Variants in KLF13 observed in about 807,000 individuals in gnomAD.
The protein encoded by KLF13 is KLF transcription factor 13.
Under a neutral mutation model 16.7 loss-of-function variants are expected in KLF13, and 8 were observed. The observed-to-expected ratio is 0.48, with a 90% CI of 0.28 to 0.87. The LOEUF (loss-of-function observed/expected upper bound fraction) is 0.87. KLF13 is among the 40% of genes least tolerant of loss of function. The pLI is 0.10. For missense variants in KLF13, 447 were observed against 452.2 expected, an observed-to-expected ratio of 0.99 and a Z score of 0.10; for synonymous variants, 245 against 208.4, an observed-to-expected ratio of 1.18 and a Z score of -1.51.
intron 1 of KLF13, among the ~76,000 whole-genome samples, chr15:31,421,800 T>C (rs2040328338): frequency 6.6e-6 from 1 of 152,158 alleles, no homozygotes; most frequent in Admixed American, 6.6e-5. Flanking sequence ...TCAGTAATTT[T>C]TATATGTGTA....
At chr15:31,353,277 C>A (rs1321637136) in intron 1 of KLF13, among the ~76,000 whole-genome samples, 1 of 152,210 alleles carries the variant, frequency 6.6e-6, no homozygotes, top group South Asian at 2.1e-4. Flanking sequence ...GCTGGGCCTC[C>A]CCTGGAGAGG....
chr15:31,327,340 C>A lies in KLF13; in HGVS notation c.128C>A (p.Thr43Asn), dbSNP rs927349524. 7.8e-7 allele frequency: 1 copy of A among 1,277,832 alleles called. No individual in the cohort carries two copies. Among genetic ancestry groups the A allele is most frequent in the African/African-American group, 1.6e-5 (1 of 63,684 alleles). 79.2% of individuals were successfully genotyped at this position (1,277,832 alleles called of 1,614,324 possible). The change falls in exon 1 of 2, where the codon ACC (threonine) becomes AAC (asparagine). Residue 43 changes from threonine to asparagine, a missense_variant. Physicochemically the swap from Thr to Asn is moderately conservative, Grantham distance 65. Transcript: ENST00000307145. ...CCCGAGGGCGCGGCCGTGGCCGCCA[C>A]CCCCACGCTGCCCCGCGTCGAGGAG... is the stretch of plus-strand genomic sequence containing the variant. ...SRPEGAAVAA[T>N]PTLPRVEERR... is the part of the protein sequence containing the mutation.
In KLF13 at chr15:31,327,205, C is replaced by A; in HGVS notation, c.-8C>A. The A allele has an allele frequency of 7.5e-7, 1 of 1,335,600 alleles. No individual in the cohort carries two copies. The allele number at this position is 1,335,600 out of a possible 1,614,324, so 82.7% of individuals were successfully genotyped here. A position where few individuals can be genotyped will look rare whatever the true frequency, so the allele number is the denominator to read the frequency against. On this transcript the variant is annotated 5_prime_UTR_variant, in exon 1 of 2. Transcript: ENST00000307145. Reference sequence around the variant, plus strand: ...GCAAGAGCACCGCCGCCGGCCCCAGCCCGCAGCATGGCAGCCGCCGCCTAT... The same window carrying A: ...GCAAGAGCACCGCCGCCGGCCCCAGACCGCAGCATGGCAGCCGCCGCCTAT...
At chr15:31,422,929 C>T (rs568284704) in intron 1 of KLF13, among the ~76,000 whole-genome samples, 200 of 151,282 alleles carry the variant, frequency 1.3e-3, no homozygotes, top group Non-Finnish European at 2.5e-3. Flanking sequence ...CCCAGCTACT[C>T]AGGGGGCTGA....
At chr15:31,342,004 C>T (rs1454636656) in intron 1 of KLF13, among the ~76,000 whole-genome samples, 1 of 152,094 alleles carries the variant, frequency 6.6e-6, no homozygotes, top group Non-Finnish European at 1.5e-5. Flanking sequence ...CTCAGGTGAG[C>T]CTCACGTGTT....
intron 1 of KLF13, chr15:31,366,597 C>T (rs1203903691): frequency 2.6e-5 from 4 of 152,390 alleles, no homozygotes; most frequent in Non-Finnish European, 5.9e-5. Flanking sequence ...ACCCCATGCC[C>T]GGGTGGAGGC....
rs146172588 is a variant in KLF13, at chr15:31,362,364, G to A, written c.578-9646G>A. On this transcript the variant is annotated intron_variant, in intron 1 of 1. Coordinates refer to ENST00000307145, the MANE Select transcript of KLF13 (RefSeq NM_015995.4). The stretch of plus-strand genomic sequence containing the variant: ...CTGCCCTGGGAACATCTCCTACAAA[G>A]CTAGATTGGACTTTATTGCTATTTT... Among the ~76,000 whole-genome samples the A allele has an allele frequency of 9.7e-4, 147 of 152,308 alleles. 1 individual carries two copies. Among genetic ancestry groups the A allele is most frequent in the African/African-American group, 3.4e-3 (143 of 41,564 alleles).
exon 1 of KLF13, chr15:31,393,221 G>T (rs1193635129): frequency 6.6e-6 from 1 of 152,346 alleles, no homozygotes; most frequent in Admixed American, 6.5e-5. Context: ...ACCCTGCTGG[G>T]GCTACTGGGA....
chr15:31,422,655 G>A (rs2040342687), intron 1 of KLF13, among the ~76,000 whole-genome samples: 2 of 152,136 alleles, frequency 1.3e-5, no homozygotes, highest in Non-Finnish European at 2.9e-5. Flanking sequence ...CCAAAAGAGA[G>A]CAGTGCTGGC....
intron 1 of KLF13, among the ~76,000 whole-genome samples, chr15:31,355,895 T>TG (rs370148602): frequency 2.0e-5 from 3 of 151,918 alleles, no homozygotes; most frequent in African/African-American, 7.2e-5. Flanking sequence ...AACATCTCTG[T>TG]GGGGGTTGGC....
At chr15:31,426,432 A>G (rs1023917381) in intron 1 of KLF13, among the ~76,000 whole-genome samples, 2 of 152,236 alleles carry the variant, frequency 1.3e-5, no homozygotes, top group Admixed American at 6.5e-5. Context: ...CAAAAAACAC[A>G]GGTAATAAAA....
At chr15:31,351,938 G>A (rs2140948594) in intron 1 of KLF13, among the ~76,000 whole-genome samples, 1 of 152,212 alleles carries the variant, frequency 6.6e-6, no homozygotes, top group South Asian at 2.1e-4. Context: ...CTTGAACCCA[G>A]GAGGTGGAGG....
chr15:31,329,213 G>T (rs2038782174), intron 1 of KLF13, among the ~76,000 whole-genome samples: 1 of 151,336 alleles, frequency 6.6e-6, no homozygotes, highest in African/African-American at 2.4e-5. Context: ...CAGGTTGGGG[G>T]TGGGAGTCAG....
At chr15:31,330,146 A>G (rs1038957390) in intron 1 of KLF13, among the ~76,000 whole-genome samples, 2 of 152,182 alleles carry the variant, frequency 1.3e-5, no homozygotes, top group Non-Finnish European at 2.9e-5. Flanking sequence ...AGAAAAGAGC[A>G]TCTTGCAGAA....
intron 1 of KLF13, among the ~76,000 whole-genome samples, chr15:31,421,879 C>G (rs563702743): frequency 6.6e-6 from 1 of 152,070 alleles, no homozygotes; most frequent in Admixed American, 6.6e-5. Context: ...TTTGGGAGGC[C>G]AGGACGGGCA....
intron 1 of KLF13, among the ~76,000 whole-genome samples, chr15:31,364,185 T>C (rs1317706142): frequency 6.6e-6 from 1 of 152,200 alleles, no homozygotes; most frequent in East Asian, 1.9e-4. Flanking sequence ...TGTTTTTCTG[T>C]ATGAATTTTT....
intron 1 of KLF13, among the ~76,000 whole-genome samples, chr15:31,333,702 A>G (rs1471683364): frequency 1.3e-5 from 2 of 152,182 alleles, no homozygotes; most frequent in Non-Finnish European, 2.9e-5. Context: ...AATGTCCAGT[A>G]TAGGATTCAG....
At chr15:31,380,158 G>A (rs1386287606), downstream of KLF13, among the ~76,000 whole-genome samples, 1 of 152,164 alleles carries the variant, frequency 6.6e-6, no homozygotes, top group Non-Finnish European at 1.5e-5. Context: ...TCAAAAATGT[G>A]GCTTGTGCCT....
At chr15:31,412,517 G>C (rs1386718118) in intron 1 of KLF13, among the ~76,000 whole-genome samples, 1 of 151,746 alleles carries the variant, frequency 6.6e-6, no homozygotes, top group Non-Finnish European at 1.5e-5. Context: ...AGTTTAGCTA[G>C]GATACAAGGA....
Sources: gnomAD v4.1 joint callset for allele counts (sites outside exome capture counted in the v4.1 genomes callset) on GRCh38, gnomAD v4.1.1 for gene constraint, MANE v1.5 for transcripts, NCBI Gene and HGNC (gene_info 2026-07-23, HGNC 2026-07-21) for gene names.